The following CMIP variants were observed in gnomAD, a reference collection of about 807,000 sequenced individuals.
The protein encoded by CMIP is C-Maf-inducing protein.
In CMIP, 13 loss-of-function variants were observed where a neutral mutation model predicts 97.3. The ratio of observed to expected loss-of-function variants is 0.13; its 90% CI spans 0.09 to 0.21. The LOEUF is 0.21. CMIP is among the 10% of genes least tolerant of loss of function. CMIP has a pLI of 1.00. For missense variants in CMIP, 847 were observed against 1,024.9 expected (o/e 0.83, Z 2.37); for synonymous variants, 538 against 436.3 (o/e 1.23, Z -2.91).
intron 2 of CMIP, among the ~76,000 whole-genome samples, chr16:81,608,964 G>A (rs2091786836): frequency 6.6e-6 from 1 of 152,120 alleles, no homozygotes; most frequent in Admixed American, 6.5e-5. Flanking sequence ...AACAGCATTG[G>A]GCTGAGAGTC....
chr16:81,673,891 G>C (rs1349220614), intron 9 of CMIP, among the ~76,000 whole-genome samples: 1 of 152,224 alleles, frequency 6.6e-6, no homozygotes, highest in African/African-American at 2.4e-5. Context: ...GACCCCACCA[G>C]AGCTGGGGAT....
chr16:81,697,113 G>A (rs531577531), intron 14 of CMIP: 1 of 203,678 alleles, frequency 4.9e-6, no homozygotes, highest in East Asian at 1.5e-4. Context: ...GTCGCGGTCA[G>A]GGGGATTGTT....
At chr16:81,455,541 G>A (rs1041318046) in intron 1 of CMIP, among the ~76,000 whole-genome samples, 1 of 152,310 alleles carries the variant, frequency 6.6e-6, no homozygotes, top group South Asian at 2.1e-4. Context: ...GCGTAAGTGC[G>A]AGTTCTACCA....
intron 3 of CMIP, among the ~76,000 whole-genome samples, chr16:81,626,302 T>A (rs552505040): frequency 6.6e-6 from 1 of 151,820 alleles, no homozygotes; most frequent in African/African-American, 2.4e-5. Flanking sequence ...GTGGGGTGAC[T>A]ATTTTATGAG....
intron 1 of CMIP, among the ~76,000 whole-genome samples, chr16:81,481,406 T>G (rs1405274452): frequency 2.6e-5 from 4 of 152,204 alleles, no homozygotes; most frequent in Non-Finnish European, 2.9e-5. Context: ...GCTGAGAAGC[T>G]TTCCCAACGT....
intron 10 of CMIP, among the ~76,000 whole-genome samples, chr16:81,691,045 T>G (rs1287099004): frequency 6.6e-6 from 1 of 152,122 alleles, no homozygotes; most frequent in Non-Finnish European, 1.5e-5. Context: ...GTCTATAGAA[T>G]TTTCCCTCAG....
At chr16:81,495,650 T>C (rs374400585) in intron 1 of CMIP, among the ~76,000 whole-genome samples, 1 of 152,180 alleles carries the variant, frequency 6.6e-6, no homozygotes, top group Admixed American at 6.5e-5. Context: ...AGGCCCCTTC[T>C]CTTTTTATGT....
intron 10 of CMIP, among the ~76,000 whole-genome samples, chr16:81,680,510 C>G (rs1031518987): frequency 1.3e-5 from 2 of 152,186 alleles, no homozygotes; most frequent in Non-Finnish European, 2.9e-5. Context: ...TGGCTTTGGC[C>G]CCGGAGAGGA....
intron 3 of CMIP, among the ~76,000 whole-genome samples, chr16:81,646,408 G>A (rs894801455): frequency 4.6e-5 from 7 of 152,062 alleles, no homozygotes; most frequent in South Asian, 2.1e-4. Context: ...TATACGCTTC[G>A]CCACTGAGCC....
intron 1 of CMIP, among the ~76,000 whole-genome samples, chr16:81,493,966 T>G (rs749991690): frequency 7.9e-5 from 12 of 152,172 alleles, no homozygotes; most frequent in Non-Finnish European, 1.6e-4. Context: ...GATGACTTAT[T>G]TATTAGCCGT....
At chr16:81,664,198 C>G in intron 6 of CMIP, 71 bp from the exon 7 acceptor site, 3 of 1,465,538 alleles carry the variant, frequency 2.0e-6, no homozygotes, top group Non-Finnish European at 2.8e-6. Flanking sequence ...GTCCCCAGCC[C>G]TGCTAGCAGC....
At chr16:81,539,165 T>C (rs191380971) in intron 1 of CMIP, among the ~76,000 whole-genome samples, 162 of 152,294 alleles carry the variant, frequency 1.1e-3, no homozygotes, top group African/African-American at 3.6e-3. Flanking sequence ...AGCGAAACAG[T>C]TGGGTGTAGC....
chr16:81,569,281 T>G lies in CMIP; in HGVS notation c.301-38286T>G, dbSNP rs535907128. Among the ~76,000 whole-genome samples the G allele has an allele frequency of 2.6e-5, 4 of 152,322 alleles. No individual in the cohort carries two copies. The East Asian group carries it at 7.7e-4, about 29-fold the overall frequency. ...TACTGTCTCATTCTGGGGGTTCCAT[T>G]GTTCCACTTCGCAGAGGCAAAAACT... On this transcript the variant is annotated intron_variant, in intron 1 of 20. Coordinates refer to ENST00000537098, the MANE Select transcript of CMIP (RefSeq NM_198390.3).
At chr16:81,488,103 C>T (rs57795729) in intron 1 of CMIP, among the ~76,000 whole-genome samples, 1 of 11,336 alleles carries the variant, frequency 8.8e-5, no homozygotes, top group Non-Finnish European at 1.5e-4. Context: ...ACTGAGACTG[C>T]TGCATGACTT....
At chr16:81,514,026 GA>G (rs2089863028) in intron 1 of CMIP, among the ~76,000 whole-genome samples, 1 of 139,320 alleles carries the variant, frequency 7.2e-6, no homozygotes, top group Non-Finnish European at 1.5e-5. Flanking sequence ...TAGTTTAAAA[GA>G]AAAACAACAA....
intron 1 of CMIP, among the ~76,000 whole-genome samples, chr16:81,590,739 A>T (rs573857325): frequency 6.6e-6 from 1 of 151,994 alleles, no homozygotes; most frequent in African/African-American, 2.4e-5. Context: ...AACAAACTAA[A>T]CCTCTCACCT....
intron 1 of CMIP, among the ~76,000 whole-genome samples, chr16:81,540,573 G>T (rs369096898): frequency 9.9e-5 from 15 of 152,134 alleles, no homozygotes; most frequent in African/African-American, 3.4e-4. Flanking sequence ...AAAGTGTTGG[G>T]ATTACAGGCG....
In CMIP at chr16:81,672,623, G is replaced by A. The variant is rs1010545624; in HGVS notation, c.1034+553G>A. 3.9e-5 allele frequency among the ~76,000 whole-genome samples: 6 copies of A among 152,160 alleles called. No individual in the cohort carries two copies. The East Asian group carries it at 5.8e-4, about 15-fold the overall frequency. On this transcript the variant is annotated intron_variant, in intron 9 of 20. Coordinates refer to ENST00000537098, the MANE Select transcript of CMIP (RefSeq NM_198390.3). ...TCTCACCCTGTCACTTAGGTTGTGC[G>A]GCAATACAGTGGTGCAGTCATAGCT...
intron 9 of CMIP, among the ~76,000 whole-genome samples, chr16:81,676,498 CCAGCAACGG>C (rs954440924): frequency 1.3e-5 from 2 of 152,024 alleles, no homozygotes; most frequent in Non-Finnish European, 2.9e-5. Context: ...CTTTTAAAAC[CCAGCAACGG>C]CAAACAAAGA....
Sources: allele counts gnomAD v4.1 joint callset (sites outside exome capture counted in the v4.1 genomes callset), GRCh38; gene constraint gnomAD v4.1.1; transcripts MANE v1.5; gene names NCBI Gene and HGNC (gene_info 2026-07-23, HGNC 2026-07-21).